Variants in P2RX5 observed in about 807,000 individuals in gnomAD.
P2RX5 encodes P2X purinoceptor 5.
Under a neutral mutation model 54.1 loss-of-function variants are expected in P2RX5, and 46 were observed. That is an observed-to-expected ratio of 0.85 (90% CI 0.67 to 1.09). The LOEUF is 1.09. Among genes scored for constraint, P2RX5 ranks in the 50% least tolerant of loss-of-function variants. The pLI is 0.00. For missense variants in P2RX5, 566 were observed against 549.8 expected (o/e 1.03, Z -0.29); for synonymous variants, 226 against 226.4 (o/e 1.00, Z 0.02).
At chr17:3,708,293 C>A in the P2RX5 span, among the ~76,000 whole-genome samples, 2 of 152,066 alleles carry the variant, frequency 1.3e-5, no homozygotes, top group Admixed American at 1.3e-4. Context: ...GCTCTCTAAT[C>A]CTATTAAAGT....
upstream of P2RX5, among the ~76,000 whole-genome samples, chr17:3,697,973 T>G (rs1480463386): frequency 6.6e-6 from 1 of 152,058 alleles, no homozygotes; most frequent in Non-Finnish European, 1.5e-5. Flanking sequence ...TGGACATCTC[T>G]GTATGTCCCT....
the P2RX5 span, chr17:3,716,609 G>T: frequency 1.2e-6 from 1 of 836,576 alleles, no homozygotes; most frequent in Non-Finnish European, 2.0e-6. Context: ...CTAAGTCAGA[G>T]GTTGGCTGTC....
At chr17:3,676,388 G>C in intron 11 of P2RX5, 1 of 985,386 alleles carries the variant, frequency 1.0e-6, no homozygotes, top group Non-Finnish European at 1.2e-6. Context: ...TCCTGCATTA[G>C]TAACACTGGC....
chr17:3,688,816 C>A (rs1442956928), intron 7 of P2RX5, 57 bp from the exon 8 acceptor site: 3 of 1,589,166 alleles, frequency 1.9e-6, no homozygotes, highest in Non-Finnish European at 2.6e-6. Context: ...CGGACAGCAT[C>A]CCAGGCCAGC....
At chr17:3,693,965 A>C (rs1220820478) in intron 1 of P2RX5, among the ~76,000 whole-genome samples, 1 of 151,972 alleles carries the variant, frequency 6.6e-6, no homozygotes, top group Admixed American at 6.6e-5. Context: ...GGGTTTTACC[A>C]CGTTGGTCAG....
At chr17:3,717,288 T>G in the P2RX5 span, 1 of 154,140 alleles carries the variant, frequency 6.5e-6, no homozygotes, top group Non-Finnish European at 1.4e-5. Flanking sequence ...TAATACACTT[T>G]CCCCACATAA....
chr17:3,696,087 C>T lies in P2RX5; in HGVS notation c.-82G>A, dbSNP rs2050753726. 2 of 1,445,050 alleles carry T rather than the reference C, an allele frequency of 1.4e-6. No individual in the cohort carries two copies. The highest frequency in any genetic ancestry group is 2.6e-5 in the East Asian group (1 of 38,262). 89.5% of individuals were successfully genotyped at this position (1,445,050 alleles called of 1,614,324 possible). On this transcript the variant is annotated 5_prime_UTR_variant, in exon 1 of 12. Transcript: ENST00000225328. ...ACTCGGTCCCTCGGTCCCTGCGCGC[C>T]CGGCGCCCGCCTCGGCCCGTCTGCG... is the stretch of plus-strand genomic sequence containing the variant.
In P2RX5 at chr17:3,688,098, T is replaced by C. The variant is rs367661505; in HGVS notation, c.895A>G (p.Arg299Gly). The C allele has an allele frequency of 2.5e-6, 4 of 1,588,122 alleles. No individual in the cohort carries two copies. In the African/African-American group the frequency reaches 4.1e-5, roughly 16 times the overall value. ...VSSGYNFRFA[R>G]YYRDAAGVEF... ...ACCCCGGCTGCGTCTCGGTAATATC[T>C]GGCAAATCTGAGGGAGACAGGGCCC... The change falls in exon 9 of 12, where the codon AGA becomes GGA. Residue 299 changes from arginine (R) to glycine (G), a missense_variant. Arg to Gly is a moderately radical substitution (Grantham distance 125, BLOSUM62 -2). Transcript: ENST00000225328.
intron 7 of P2RX5, among the ~76,000 whole-genome samples, 162 bp from the exon 8 acceptor site, chr17:3,688,921 G>T (rs2050524680): frequency 6.6e-6 from 1 of 152,200 alleles, no homozygotes; most frequent in Non-Finnish European, 1.5e-5. Flanking sequence ...CCATGGAGCG[G>T]CTGAGAACAC....
chr17:3,699,120 G>T (rs2050799313), upstream of P2RX5, among the ~76,000 whole-genome samples: 1 of 143,918 alleles, frequency 6.9e-6, no homozygotes, highest in Non-Finnish European at 1.5e-5. Flanking sequence ...GCCAAGTCAG[G>T]CACAGTGGCT....
At chr17:3,675,901 C>A (rs994636865) in intron 11 of P2RX5, 1 of 985,252 alleles carries the variant, frequency 1.0e-6, no homozygotes, top group Non-Finnish European at 1.2e-6. Context: ...TGCAGGTTCC[C>A]TTCCCAGAAA....
In P2RX5 at chr17:3,673,392, A is replaced by T; in HGVS notation, c.*476T>A. The T allele has an allele frequency of 9.6e-7, 1 of 1,042,322 alleles. No individual in the cohort carries two copies. The highest frequency in any genetic ancestry group is 1.2e-6 in the Non-Finnish European group (1 of 863,430). 64.6% of individuals were successfully genotyped at this position (1,042,322 alleles called of 1,614,324 possible). A position where few individuals can be genotyped will look rare whatever the true frequency, so the allele number is the denominator to read the frequency against. On this transcript the variant is annotated 3_prime_UTR_variant, in exon 12 of 12. Transcript: ENST00000225328. ...AGGTGGTGTCTTTAGGAGAGAGAGTACTTGGATCCACTGGAGAGTATGCTC... is the reference window on the plus strand; with the variant it reads ...AGGTGGTGTCTTTAGGAGAGAGAGTTCTTGGATCCACTGGAGAGTATGCTC...
At chr17:3,689,150 C>G (rs565196421) in intron 7 of P2RX5, among the ~76,000 whole-genome samples, 2 of 148,474 alleles carry the variant, frequency 1.3e-5, no homozygotes, top group Non-Finnish European at 3.0e-5. Context: ...GCTGCCACAG[C>G]CTGCCTGTGT....
chr17:3,697,355 C>T (rs2050780028), upstream of P2RX5, among the ~76,000 whole-genome samples: 1 of 152,114 alleles, frequency 6.6e-6, no homozygotes, highest in African/African-American at 2.4e-5. Context: ...TCCGGGGGGG[C>T]AGGTTTAGAA....
the P2RX5 span, among the ~76,000 whole-genome samples, chr17:3,704,781 C>T: frequency 6.8e-3 from 1,035 of 152,264 alleles, 7 homozygotes; most frequent in Middle Eastern, 0.034. Context: ...CCGAGGTGGA[C>T]GGATCACCTG....
At chr17:3,709,204 G>A in the P2RX5 span, among the ~76,000 whole-genome samples, 1 of 151,996 alleles carries the variant, frequency 6.6e-6, no homozygotes, top group Non-Finnish European at 1.5e-5. Context: ...CACCCACCTC[G>A]GCCTCCCAAA....
At chr17:3,675,970 C>G (rs965431918) in intron 11 of P2RX5, 2 of 985,294 alleles carry the variant, frequency 2.0e-6, no homozygotes, top group African/African-American at 3.5e-5. Context: ...GACCATGTCC[C>G]TGGGCCCCTG....
In P2RX5 at chr17:3,673,736, G is replaced by A; in HGVS notation, c.*132C>T. The A allele has an allele frequency of 1.2e-6, 2 of 1,605,062 alleles. No homozygotes were observed. Among genetic ancestry groups the A allele is most frequent in the Non-Finnish European group, 1.7e-6 (2 of 1,176,550 alleles). ...CTTTGCTCTGTGATGGCTGGTCCCT[G>A]TGATGTGGCATTGATAGCACCCAAT... is the stretch of plus-strand genomic sequence containing the variant. On this transcript the variant is annotated 3_prime_UTR_variant, in exon 12 of 12. Transcript: ENST00000225328.
At chr17:3,689,952 GCA>G (rs905423523) in intron 6 of P2RX5, 116 bp downstream of exon 6, 1 of 933,120 alleles carries the variant, frequency 1.1e-6, no homozygotes, top group Non-Finnish European at 1.8e-6. Context: ...GCGAACACAC[GCA>G]CACACGTGCA....
Sources: gnomAD v4.1 joint callset for allele counts (sites outside exome capture counted in the v4.1 genomes callset) on GRCh38, gnomAD v4.1.1 for gene constraint, MANE v1.5 for transcripts, NCBI Gene and HGNC (gene_info 2026-07-23, HGNC 2026-07-21) for gene names.